Variants in LRRTM3 observed in about 807,000 individuals in gnomAD.
LRRTM3 encodes leucine rich repeat transmembrane neuronal 3.
LRRTM3 carries 24 observed loss-of-function variants against 44.7 expected under a neutral mutation model. The ratio of observed to expected loss-of-function variants is 0.54; its 90% CI spans 0.39 to 0.76. LRRTM3 has a LOEUF of 0.76. LRRTM3 is among the 30% of genes least tolerant of loss of function. The pLI, the probability that LRRTM3 is intolerant of heterozygous loss-of-function variation, is 0.00. For synonymous variants in LRRTM3, 277 were observed against 278.7 expected, an observed-to-expected ratio of 0.99 and a Z score of 0.06; for missense variants, 587 against 702.2, an observed-to-expected ratio of 0.84 and a Z score of 1.85.
chr10:66,955,982 G>C (rs961322081), intron 2 of LRRTM3, among the ~76,000 whole-genome samples: 1 of 152,080 alleles, frequency 6.6e-6, no homozygotes. Context: ...TGCCAGAAAG[G>C]GGTGCTCAAA....
chr10:67,071,718 C>T (rs1011795124), intron 2 of LRRTM3, among the ~76,000 whole-genome samples: 1 of 152,116 alleles, frequency 6.6e-6, no homozygotes, highest in African/African-American at 2.4e-5. Context: ...GTATTCTCTC[C>T]TCTCCTTTGG....
rs989965327 is a variant in LRRTM3 at position 66,937,789 on chromosome 10, C to G, written c.1536+9337C>G. The stretch of plus-strand genomic sequence containing the variant: ...AATTTCCTTTGTGAGAAATGCCCTT[C>G]CTCCCTCCCAAGTCCTCCAGTCAAT... On this transcript the variant is annotated intron_variant, in intron 2 of 2. Coordinates refer to ENST00000361320, the MANE Select transcript of LRRTM3 (RefSeq NM_178011.5). 2.6e-5 allele frequency among the ~76,000 whole-genome samples: 4 copies of G among 152,102 alleles called. No individual in the cohort carries two copies. In the East Asian group the frequency reaches 7.7e-4, roughly 29 times the overall value.
chr10:66,977,585 C>T (rs551407740), intron 2 of LRRTM3, among the ~76,000 whole-genome samples: 1 of 152,232 alleles, frequency 6.6e-6, no homozygotes, highest in Non-Finnish European at 1.5e-5. Context: ...AATAGAAAGC[C>T]AGAGGTACTT....
chr10:67,019,369 C>A (rs1004007644), intron 2 of LRRTM3, among the ~76,000 whole-genome samples: 3 of 152,140 alleles, frequency 2.0e-5, no homozygotes, highest in Non-Finnish European at 4.4e-5. Flanking sequence ...CAGGCATGTG[C>A]CACCACGCCA....
chr10:66,942,731 C>A (rs1031875702), intron 2 of LRRTM3, among the ~76,000 whole-genome samples: 8 of 152,056 alleles, frequency 5.3e-5, no homozygotes, highest in African/African-American at 1.7e-4. Context: ...CTCAAGAGAA[C>A]ATGCTATTGT....
intron 2 of LRRTM3, among the ~76,000 whole-genome samples, chr10:67,064,547 A>G (rs754657542): frequency 6.6e-6 from 1 of 152,204 alleles, no homozygotes; most frequent in East Asian, 1.9e-4. Context: ...TATAACATTT[A>G]TAATTAGAAC....
At chr10:67,041,584 T>C (rs1229190609) in intron 2 of LRRTM3, among the ~76,000 whole-genome samples, 2 of 152,146 alleles carry the variant, frequency 1.3e-5, no homozygotes, top group Admixed American at 6.6e-5. Context: ...ATAAAAGCAA[T>C]GGAAATTAAA....
At chr10:66,977,510 C>T (rs1653637738) in intron 2 of LRRTM3, among the ~76,000 whole-genome samples, 1 of 151,916 alleles carries the variant, frequency 6.6e-6, no homozygotes, top group Middle Eastern at 3.4e-3. Flanking sequence ...TTAGAAACTA[C>T]AAGAGTGGCC....
intron 2 of LRRTM3, among the ~76,000 whole-genome samples, chr10:67,070,950 T>C (rs765591909): frequency 6.6e-6 from 1 of 152,196 alleles, no homozygotes; most frequent in Non-Finnish European, 1.5e-5. Context: ...TACTGTTCTT[T>C]TAGTGTTTAC....
At chr10:67,088,802 C>T (rs1857452079) in intron 2 of LRRTM3, among the ~76,000 whole-genome samples, 1 of 152,026 alleles carries the variant, frequency 6.6e-6, no homozygotes, top group African/African-American at 2.4e-5. Flanking sequence ...ACTTGAAAAT[C>T]TGCAAATTTA....
chr10:67,063,675 C>T (rs1195858252), intron 2 of LRRTM3, among the ~76,000 whole-genome samples: 2 of 152,176 alleles, frequency 1.3e-5, no homozygotes, highest in African/African-American at 4.8e-5. Context: ...ACTTAGACAC[C>T]TAATACGTAT....
chr10:66,956,248 G>A (rs576145493), intron 2 of LRRTM3, among the ~76,000 whole-genome samples: 2 of 151,222 alleles, frequency 1.3e-5, no homozygotes, highest in South Asian at 2.1e-4. Flanking sequence ...TCTAGGATGC[G>A]TTTCAATAAG....
intron 2 of LRRTM3, among the ~76,000 whole-genome samples, chr10:66,956,995 G>T (rs905748487): frequency 7.2e-5 from 11 of 152,158 alleles, no homozygotes; most frequent in Non-Finnish European, 1.5e-4. Context: ...TAAAACCATG[G>T]AATGTAGAAG....
At chr10:67,049,252 C>T (rs562161973) in intron 2 of LRRTM3, among the ~76,000 whole-genome samples, 5 of 152,000 alleles carry the variant, frequency 3.3e-5, no homozygotes, top group South Asian at 2.1e-4. Flanking sequence ...TCATGTAGAC[C>T]GTGCCTGATA....
At chr10:66,994,526 G>A (rs1158617700) in intron 2 of LRRTM3, among the ~76,000 whole-genome samples, 1 of 152,150 alleles carries the variant, frequency 6.6e-6, no homozygotes. Context: ...GAAAAAAGCA[G>A]TTGAAGTAAT....
chr10:66,978,552 A>AAAAAATATATAT, intron 2 of LRRTM3, among the ~76,000 whole-genome samples: 3 of 37,866 alleles, frequency 7.9e-5, no homozygotes, highest in South Asian at 1.2e-3. Context: ...AAAAAAAAAA[A>AAAAAATATATAT]ATATATATAT....
At chr10:67,040,234 G>A (rs1395735099) in intron 2 of LRRTM3, among the ~76,000 whole-genome samples, 1 of 152,064 alleles carries the variant, frequency 6.6e-6, no homozygotes, top group South Asian at 2.1e-4. Context: ...CTTGACATTT[G>A]CTCGGTCTAC....
chr10:67,027,201 C>T (rs1853442036), intron 2 of LRRTM3, among the ~76,000 whole-genome samples: 2 of 151,870 alleles, frequency 1.3e-5, no homozygotes, highest in South Asian at 4.2e-4. Context: ...AGGAAGAAAA[C>T]AAAAGGAGGA....
At chr10:67,061,857 C>T (rs1436763298) in intron 2 of LRRTM3, among the ~76,000 whole-genome samples, 1 of 152,124 alleles carries the variant, frequency 6.6e-6, no homozygotes, top group Non-Finnish European at 1.5e-5. Flanking sequence ...TTTAACATTA[C>T]TGATAAAGAA....
Sources: allele counts gnomAD v4.1 joint callset (sites outside exome capture counted in the v4.1 genomes callset), GRCh38; gene constraint gnomAD v4.1.1; transcripts MANE v1.5; gene names NCBI Gene and HGNC (gene_info 2026-07-23, HGNC 2026-07-21).